The following ARMCX4 variants were observed in gnomAD, a reference collection of about 807,000 sequenced individuals.
ARMCX4 encodes the protein armadillo repeat-containing X-linked protein 4.
A neutral mutation model predicts 34.7 loss-of-function variants in ARMCX4; 3 were observed. The observed-to-expected ratio is 0.09, with a 90% CI of 0.04 to 0.22. The LOEUF (loss-of-function observed/expected upper bound fraction) is 0.22. Ranked by LOEUF, ARMCX4 falls within the 10% of genes least tolerant of loss-of-function variation. The pLI, the probability that ARMCX4 is intolerant of heterozygous loss-of-function variation, is 1.00. For synonymous variants in ARMCX4, 513 were observed against 632.8 expected (o/e 0.81, Z 2.84); for missense variants, 1,448 against 1,720.8 (o/e 0.84, Z 2.81).
chrX:101,441,803 G>C (rs1473850163), intron 2 of ARMCX4, among the ~76,000 whole-genome samples: 4 of 111,526 alleles, frequency 3.6e-5, no homozygotes, highest in Non-Finnish European at 7.5e-5. Context: ...CTGATGGCCT[G>C]TGCTAGTGGT....
chrX:101,529,025 A>G lies in ARMCX4; in HGVS notation c.*1781-2619A>G, dbSNP rs1556021369. 3.6e-5 allele frequency among the ~76,000 whole-genome samples: 4 copies of G among 111,723 alleles called. No individual in the cohort carries two copies. In the Admixed American group the frequency reaches 3.8e-4, roughly 11 times the overall value. On this transcript the variant is annotated intron_variant and NMD_transcript_variant, in intron 11 of 12. Coordinates refer to the ARMCX4 transcript ENST00000354842. The stretch of plus-strand genomic sequence containing the variant: ...AACCAAAAAAGAGCCCGTATTGCCA[A>G]GACAATCCTAATCAAAAAGAACAAA...
At chrX:101,435,709 G>T (rs1191912854) in intron 2 of ARMCX4, among the ~76,000 whole-genome samples, 2 of 109,395 alleles carry the variant, frequency 1.8e-5, no homozygotes, top group African/African-American at 6.6e-5. Context: ...TAGACATGAA[G>T]TCCTTGCCCA....
In ARMCX4 at chrX:101,473,048, G is replaced by C. The variant is rs1328674267; in HGVS notation, c.-472-12975G>C. Among the ~76,000 whole-genome samples the C allele has an allele frequency of 6.3e-5, 7 of 111,153 alleles. No individual in the cohort carries two copies. The East Asian group carries it at 2.0e-3, about 31-fold the overall frequency. ...AAGATTCAAGACCCGTCAGTGTGCT[G>C]TATTCAGGAAACCCATCTCACGTGC... On this transcript the variant is annotated intron_variant and NMD_transcript_variant, in intron 4 of 15. Coordinates refer to the ARMCX4 transcript ENST00000433011.
chrX:101,432,888 GTA>G lies in ARMCX4; in HGVS notation n.165-11157_165-11156del, dbSNP rs1569314657. 5.9e-3 allele frequency among the ~76,000 whole-genome samples: 296 copies of G among 50,075 alleles called. 4 individuals carry two copies. The highest frequency in any genetic ancestry group is 0.013 in the African/African-American group (250 of 18,746). The allele number at this position is 50,075 out of a possible 115,157, so 43.5% of individuals were successfully genotyped here. Reference sequence around the variant, plus strand: ...TATATATACACATATGTATACGTGTGTATATATACGTGTATATACACACACGT... The same window carrying G: ...TATATATACACATATGTATACGTGTGTATATACGTGTATATACACACACGT... On this transcript the variant is annotated intron_variant and non_coding_transcript_variant, in intron 2 of 3. Coordinates refer to the ARMCX4 transcript ENST00000430461.
chrX:101,506,351 A>G (rs781963548), intron 8 of ARMCX4, among the ~76,000 whole-genome samples: 1 of 111,800 alleles, frequency 8.9e-6, no homozygotes, highest in Admixed American at 9.5e-5. Context: ...GGGCCGCTAC[A>G]ACAAAATACC....
chrX:101,420,302 T>G (rs1393698671), intron 2 of ARMCX4, among the ~76,000 whole-genome samples: 1 of 111,235 alleles, frequency 9.0e-6, no homozygotes, highest in African/African-American at 3.3e-5. Context: ...GAGGTTGCAA[T>G]GAGCCAAGAT....
At chrX:101,449,293 C>G (rs781876688), downstream of ARMCX4, among the ~76,000 whole-genome samples, 2 of 112,460 alleles carry the variant, frequency 1.8e-5, no homozygotes, top group Non-Finnish European at 3.8e-5. Flanking sequence ...TTTGAATAAA[C>G]TTTCTACCCC....
chrX:101,502,401 G>T (rs781815557), intron 7 of ARMCX4, among the ~76,000 whole-genome samples: 2 of 111,837 alleles, frequency 1.8e-5, no homozygotes, highest in East Asian at 5.6e-4. Context: ...ATCATACCTC[G>T]CTAATCTTTT....
chrX:101,425,583 C>G lies in ARMCX4; in HGVS notation n.164+6583C>G, dbSNP rs951298806. Among the ~76,000 whole-genome samples, 3 of 109,284 alleles carry G rather than the reference C, an allele frequency of 2.7e-5. No individual in the cohort carries two copies. The East Asian group carries it at 8.6e-4, about 31-fold the overall frequency. 94.9% of individuals were successfully genotyped at this position (109,284 alleles called of 115,157 possible). On this transcript the variant is annotated intron_variant and non_coding_transcript_variant, in intron 2 of 3. Coordinates refer to the ARMCX4 transcript ENST00000430461. ...TAATTTTTTGTATTTTTAGTAGAAA[C>G]GGGGTTTCACCATGTTAGCCAGGCT...
At chrX:101,530,367 G>A (rs1380664869) in intron 11 of ARMCX4, among the ~76,000 whole-genome samples, 1 of 111,470 alleles carries the variant, frequency 9.0e-6, no homozygotes, top group Admixed American at 9.6e-5. Context: ...ATAGCATTAG[G>A]AGAAATACCT....
chrX:101,433,570 G>A (rs1555993308), intron 2 of ARMCX4, among the ~76,000 whole-genome samples: 2 of 111,628 alleles, frequency 1.8e-5, no homozygotes, highest in South Asian at 7.4e-4. Context: ...TGATCCATGT[G>A]GATTGCAGGT....
chrX:101,419,617 G>T (rs1252599251), intron 2 of ARMCX4, among the ~76,000 whole-genome samples: 2 of 111,545 alleles, frequency 1.8e-5, no homozygotes, highest in African/African-American at 6.5e-5. Flanking sequence ...AGCAAACTTT[G>T]GACAGGCTCC....
chrX:101,452,229 C>T (rs1164104145), downstream of ARMCX4, among the ~76,000 whole-genome samples: 2 of 111,860 alleles, frequency 1.8e-5, no homozygotes, highest in African/African-American at 6.5e-5. Flanking sequence ...AGTCTCTGAT[C>T]TTTCCTAGTT....
At chrX:101,472,737 C>T (rs1166919024) in intron 4 of ARMCX4, among the ~76,000 whole-genome samples, 1 of 88,649 alleles carries the variant, frequency 1.1e-5, no homozygotes, top group Non-Finnish European at 2.1e-5. Flanking sequence ...AAATAAAATA[C>T]TTTACAGACA....
chrX:101,482,589 C>T (rs1933500697), upstream of ARMCX4, among the ~76,000 whole-genome samples: 2 of 109,713 alleles, frequency 1.8e-5, no homozygotes, highest in Admixed American at 1.9e-4. Flanking sequence ...ACAGGTTTCC[C>T]TATGTCGGGA....
At chrX:101,483,697 T>C (rs1556005895), upstream of ARMCX4, among the ~76,000 whole-genome samples, 1 of 111,990 alleles carries the variant, frequency 8.9e-6, no homozygotes, top group African/African-American at 3.2e-5. Flanking sequence ...TGGTTTTTTT[T>C]TTTTACTTTA....
Position 101,488,449 on chromosome X carries a change from C to T in ARMCX4, c.-141C>T. The T allele has an allele frequency of 9.0e-7, 1 of 1,106,711 alleles. No homozygotes were observed. The highest frequency in any genetic ancestry group is 3.3e-5 in the East Asian group (1 of 30,333). The allele number at this position is 1,106,711 out of a possible 1,213,427, so 91.2% of individuals were successfully genotyped here. A position where few individuals can be genotyped will look rare whatever the true frequency, so the allele number is the denominator to read the frequency against. On this transcript the variant is annotated 5_prime_UTR_variant, in exon 6 of 6. Coordinates refer to ENST00000423738, the MANE Select transcript of ARMCX4 (RefSeq NM_001256155.3). ...TTTCCTTCCTCCACTTCTAGGTCCA[C>T]CTCCAGAGGCAGCTGTAGTGGCCTT...
At chrX:101,449,278 A>C (rs1439071817), downstream of ARMCX4, among the ~76,000 whole-genome samples, 1 of 112,195 alleles carries the variant, frequency 8.9e-6, no homozygotes, top group Admixed American at 9.4e-5. Context: ...CTCTGTTATT[A>C]TCCCTTTGAA....
chrX:101,464,808 G>C (rs1327439520), intron 4 of ARMCX4, among the ~76,000 whole-genome samples: 1 of 111,361 alleles, frequency 9.0e-6, no homozygotes, highest in Non-Finnish European at 1.9e-5. Flanking sequence ...TGTGCTAAAG[G>C]GCCAAGGTGT....
Sources: gnomAD v4.1 joint callset for allele counts (sites outside exome capture counted in the v4.1 genomes callset) on GRCh38, gnomAD v4.1.1 for gene constraint, MANE v1.5 for transcripts, NCBI Gene and HGNC (gene_info 2026-07-23, HGNC 2026-07-21) for gene names.